Variants in CACNG2 observed in about 807,000 individuals in gnomAD.
CACNG2 encodes voltage-dependent calcium channel gamma-2 subunit.
A neutral mutation model predicts 25.9 loss-of-function variants in CACNG2; 3 were observed. The ratio of observed to expected loss-of-function variants is 0.12; its 90% CI spans 0.05 to 0.30. CACNG2 has a LOEUF of 0.30. Ranked by LOEUF, CACNG2 falls within the 10% of genes least tolerant of loss-of-function variation. The pLI is 1.00. For synonymous variants in CACNG2, 167 were observed against 173.3 expected (o/e 0.96, Z 0.29); for missense variants, 341 against 432.5 (o/e 0.79, Z 1.88).
intron 2 of CACNG2, among the ~76,000 whole-genome samples, chr22:36,576,938 A>C (rs1935327165): frequency 6.6e-6 from 1 of 152,234 alleles, no homozygotes; most frequent in South Asian, 2.1e-4. Context: ...TTGAGAGCCC[A>C]GGGAGCTAAC....
chr22:36,661,106 G>A (rs1040967647), intron 1 of CACNG2, among the ~76,000 whole-genome samples: 5 of 152,162 alleles, frequency 3.3e-5, no homozygotes, highest in African/African-American at 7.2e-5. Context: ...AATCAACTCC[G>A]TGCTCGGACC....
At chr22:36,601,612 G>A (rs1169576003) in intron 1 of CACNG2, among the ~76,000 whole-genome samples, 2 of 152,076 alleles carry the variant, frequency 1.3e-5, no homozygotes, top group Non-Finnish European at 2.9e-5. Context: ...TCATGCTTCA[G>A]GCTCCCAAAT....
In CACNG2 at chr22:36,702,832, A is replaced by C. The variant is rs117984076; in HGVS notation, c.-256T>G. On this transcript the variant is annotated 5_prime_UTR_variant, in exon 1 of 4. Transcript: ENST00000300105. ...TGAGATCAGAAACTGTTCCAGTTGCAGTGTTTTTTTTTTAAAAAGAAAAGG... is the reference window on the plus strand; with the variant it reads ...TGAGATCAGAAACTGTTCCAGTTGCCGTGTTTTTTTTTTAAAAAGAAAAGG... The C allele has an allele frequency of 3.1e-6, 1 of 322,950 alleles. No homozygotes were observed. The highest frequency in any genetic ancestry group is 5.5e-6 in the Non-Finnish European group (1 of 181,342). The allele number at this position is 322,950 out of a possible 1,614,324, so 20.0% of individuals were successfully genotyped here.
chr22:36,598,716 C>T (rs1284594781), intron 1 of CACNG2, among the ~76,000 whole-genome samples: 4 of 149,794 alleles, frequency 2.7e-5, no homozygotes, highest in Admixed American at 2.0e-4. Flanking sequence ...CGGTGGCTCA[C>T]GCCTGTAATC....
chr22:36,633,929 A>C (rs1165922119), intron 1 of CACNG2, among the ~76,000 whole-genome samples: 3 of 152,244 alleles, frequency 2.0e-5, no homozygotes, highest in Non-Finnish European at 4.4e-5. Context: ...ACATGAAATT[A>C]AACAATTGCC....
At chr22:36,572,088 A>C (rs1289692744) in intron 2 of CACNG2, among the ~76,000 whole-genome samples, 1 of 152,164 alleles carries the variant, frequency 6.6e-6, no homozygotes, top group Non-Finnish European at 1.5e-5. Context: ...AGAGTCAGGA[A>C]ATATCTGATT....
In CACNG2 at chr22:36,702,806, T is replaced by C. The variant is rs1324881031; in HGVS notation, c.-230A>G. The C allele has an allele frequency of 1.6e-5, 7 of 446,738 alleles. No individual in the cohort carries two copies. The highest frequency in any genetic ancestry group is 2.7e-5 in the Non-Finnish European group (7 of 255,046). 27.7% of individuals were successfully genotyped at this position (446,738 alleles called of 1,614,324 possible). A position where few individuals can be genotyped will look rare whatever the true frequency, so the allele number is the denominator to read the frequency against. On this transcript the variant is annotated 5_prime_UTR_variant, in exon 1 of 4. Transcript: ENST00000300105. ...GATCACACGGGAAGAGGCTTGCCTT[T>C]TGAGATCAGAAACTGTTCCAGTTGC...
rs538365404 is a variant in CACNG2 at position 36,677,781 on chromosome 22, T to C, written c.211+24585A>G. Among the ~76,000 whole-genome samples, 8 of 152,366 alleles carry C rather than the reference T, an allele frequency of 5.3e-5. No homozygotes were observed. The South Asian group carries it at 1.7e-3, about 32-fold the overall frequency. ...AATGAAGTTCCATGGTTTAATATAT[T>C]TCTCCATAGAGTGTCACAGCAGACA... On this transcript the variant is annotated intron_variant, in intron 1 of 3. Coordinates refer to ENST00000300105, the MANE Select transcript of CACNG2 (RefSeq NM_006078.5).
At chr22:36,698,765 G>A (rs116117506) in intron 1 of CACNG2, among the ~76,000 whole-genome samples, 1,947 of 152,252 alleles carry the variant, frequency 0.013, 48 homozygotes, top group African/African-American at 0.044. Flanking sequence ...AAGGCAAAAC[G>A]GACAGAGGGG....
chr22:36,571,131 G>T (rs905461556), intron 2 of CACNG2, among the ~76,000 whole-genome samples: 6 of 152,108 alleles, frequency 3.9e-5, no homozygotes, highest in African/African-American at 1.4e-4. Flanking sequence ...TGCAAGTGTG[G>T]CCTGAGGCCC....
At chr22:36,608,580 C>T (rs978488874) in intron 1 of CACNG2, among the ~76,000 whole-genome samples, 7 of 152,200 alleles carry the variant, frequency 4.6e-5, no homozygotes, top group Non-Finnish European at 5.9e-5. Flanking sequence ...GCCTGTTCTA[C>T]AGGTGAGAAA....
intron 2 of CACNG2, among the ~76,000 whole-genome samples, chr22:36,580,925 A>G (rs956608153): frequency 6.6e-6 from 1 of 152,174 alleles, no homozygotes; most frequent in African/African-American, 2.4e-5. Flanking sequence ...ACACATTCAG[A>G]CATAGACACT....
chr22:36,603,846 T>A (rs1470568257), intron 1 of CACNG2, among the ~76,000 whole-genome samples: 1 of 152,212 alleles, frequency 6.6e-6, no homozygotes, highest in African/African-American at 2.4e-5. Flanking sequence ...TGGAGATGTA[T>A]AAGGAGATGA....
chr22:36,623,011 G>GATTTT lies in CACNG2; in HGVS notation c.212-35464_212-35463insAAAAT, dbSNP rs1569032646. On this transcript the variant is annotated intron_variant, in intron 1 of 3. Coordinates refer to ENST00000300105, the MANE Select transcript of CACNG2 (RefSeq NM_006078.5). ...TTTCTCATTCAGTCTTCAAAACATG[G>GATTTT]GTTTTTTTTTTTTTTTTTTTTTTTT... Among the ~76,000 whole-genome samples the GATTTT allele has an allele frequency of 7.5e-5, 7 of 93,202 alleles. 1 individual carries two copies. Among genetic ancestry groups the GATTTT allele is most frequent in the Non-Finnish European group, 8.0e-5 (4 of 49,898 alleles). The allele number at this position is 93,202 out of a possible 152,430, so 61.1% of individuals were successfully genotyped here.
chr22:36,606,086 T>C lies in CACNG2; in HGVS notation c.212-18538A>G, dbSNP rs899593955. 7.9e-5 allele frequency among the ~76,000 whole-genome samples: 12 copies of C among 152,216 alleles called. No homozygotes were observed. The highest frequency in any genetic ancestry group is 2.7e-4 in the African/African-American group (11 of 41,460). On this transcript the variant is annotated intron_variant, in intron 1 of 3. Transcript: ENST00000300105. The surrounding 1 kb of genome is among the most constrained non-coding windows in gnomAD (Gnocchi z 5.7). ...TGCTCTCGGACAAGGTGTTCATCTT[T>C]CAGTTCAGTACTTCAGCTCGTCCTT...
At chr22:36,571,889 A>C (rs546905746) in intron 2 of CACNG2, among the ~76,000 whole-genome samples, 20 of 151,968 alleles carry the variant, frequency 1.3e-4, no homozygotes, top group Non-Finnish European at 2.8e-4. Flanking sequence ...AAACAAAAAA[A>C]AAAAAAAAAA....
At chr22:36,574,229 C>T (rs1340904073) in intron 2 of CACNG2, among the ~76,000 whole-genome samples, 3 of 152,158 alleles carry the variant, frequency 2.0e-5, no homozygotes, top group Non-Finnish European at 4.4e-5. Context: ...AGGGTGGCTC[C>T]AGGGAAGCAG....
intron 1 of CACNG2, among the ~76,000 whole-genome samples, chr22:36,649,943 A>G (rs902448733): frequency 6.6e-6 from 1 of 152,192 alleles, no homozygotes. Context: ...CTATGTCTTT[A>G]TCAGCAGTGT....
chr22:36,589,401 C>A (rs890429621), intron 1 of CACNG2, among the ~76,000 whole-genome samples: 5 of 152,152 alleles, frequency 3.3e-5, no homozygotes, highest in Non-Finnish European at 7.3e-5. Context: ...ACCGTAATTA[C>A]TTTTGCATCA....
Sources: gnomAD v4.1 joint callset for allele counts (sites outside exome capture counted in the v4.1 genomes callset) on GRCh38, gnomAD v4.1.1 for gene constraint, Gnocchi (gnomAD v3.1) non-coding constraint, MANE v1.5 for transcripts, NCBI Gene and HGNC (gene_info 2026-07-23, HGNC 2026-07-21) for gene names.